Variants in ADARB2 observed in about 807,000 individuals in gnomAD.
The protein encoded by ADARB2 is adenosine deaminase RNA specific B2 (inactive).
ADARB2 carries 25 observed loss-of-function variants against 62.2 expected under a neutral mutation model. That is an observed-to-expected ratio of 0.40 (90% confidence interval 0.29 to 0.56). The LOEUF (loss-of-function observed/expected upper bound fraction) is 0.56. ADARB2 is among the 20% of genes least tolerant of loss of function. The pLI, the probability that ADARB2 is intolerant of heterozygous loss-of-function variation, is 0.43. For synonymous variants in ADARB2, 572 were observed against 500.8 expected, an observed-to-expected ratio of 1.14 and a Z score of -1.90; for missense variants, 1,071 against 1,077.4, an observed-to-expected ratio of 0.99 and a Z score of 0.08.
intron 1 of ADARB2, among the ~76,000 whole-genome samples, chr10:1,566,712 T>C (rs929332949): frequency 1.3e-5 from 2 of 152,248 alleles, no homozygotes; most frequent in South Asian, 4.1e-4. Flanking sequence ...GGCTGAATTA[T>C]ACACTATTTA....
intron 1 of ADARB2, among the ~76,000 whole-genome samples, chr10:1,670,795 G>A (rs996685751): frequency 3.9e-5 from 6 of 152,130 alleles, no homozygotes; most frequent in Non-Finnish European, 5.9e-5. Context: ...GCTTCTCAAC[G>A]CGGCCCTGCC....
intron 1 of ADARB2, among the ~76,000 whole-genome samples, chr10:1,404,052 AG>A (rs1162904855): frequency 1.3e-5 from 2 of 152,234 alleles, no homozygotes; most frequent in Non-Finnish European, 2.9e-5. Context: ...CCTGTGGTGC[AG>A]GGGCTTCTGT....
intron 1 of ADARB2, among the ~76,000 whole-genome samples, chr10:1,380,948 C>T (rs1369847578): frequency 6.6e-6 from 1 of 152,194 alleles, no homozygotes; most frequent in Non-Finnish European, 1.5e-5. Flanking sequence ...CAAACACTCA[C>T]AAAAATGCAC....
chr10:1,394,065 C>A (rs1423661890), intron 1 of ADARB2, among the ~76,000 whole-genome samples: 2 of 152,212 alleles, frequency 1.3e-5, no homozygotes, highest in Non-Finnish European at 2.9e-5. Context: ...ACTTGCTCCA[C>A]TCACTCGTCC....
At chr10:1,274,513 A>G (rs1192441439) in intron 3 of ADARB2, among the ~76,000 whole-genome samples, 1 of 152,060 alleles carries the variant, frequency 6.6e-6, no homozygotes, top group Admixed American at 6.5e-5. Context: ...TAGCTTGTCC[A>G]GCACAGGAGG....
intron 1 of ADARB2, among the ~76,000 whole-genome samples, chr10:1,382,060 G>A (rs904464237): frequency 2.6e-5 from 4 of 152,114 alleles, no homozygotes; most frequent in Admixed American, 6.5e-5. Flanking sequence ...TTTGGTGATC[G>A]TTACCCAATG....
intron 1 of ADARB2, among the ~76,000 whole-genome samples, chr10:1,709,155 C>T (rs944542990): frequency 6.6e-6 from 1 of 152,160 alleles, no homozygotes; most frequent in African/African-American, 2.4e-5. Context: ...TAAGTGGAGA[C>T]CTACTTATGT....
intron 1 of ADARB2, among the ~76,000 whole-genome samples, chr10:1,578,088 G>T (rs1833045787): frequency 6.6e-6 from 1 of 152,190 alleles, no homozygotes; most frequent in Admixed American, 6.5e-5. Flanking sequence ...GCTTCTTTCA[G>T]CAGACCCAGC....
chr10:1,657,001 TTGTG>T (rs58944098), intron 1 of ADARB2, among the ~76,000 whole-genome samples: 6 of 148,712 alleles, frequency 4.0e-5, no homozygotes, highest in South Asian at 4.3e-4. Context: ...ATCTAGTGTT[TTGTG>T]TGTGTGTGTG....
intron 3 of ADARB2, among the ~76,000 whole-genome samples, chr10:1,343,575 A>G (rs1832051763): frequency 6.6e-6 from 1 of 152,248 alleles, no homozygotes; most frequent in Admixed American, 6.5e-5. Context: ...AGGCACGCGC[A>G]TGTCCATCGC....
At chr10:1,572,023 G>C (rs1393459303) in intron 1 of ADARB2, among the ~76,000 whole-genome samples, 12 of 145,742 alleles carry the variant, frequency 8.2e-5, no homozygotes, top group African/African-American at 3.1e-4. Flanking sequence ...GGAAAGGTGA[G>C]TAGGCAAGTG....
chr10:1,322,770 T>C lies in ADARB2; in HGVS notation c.1077+40258A>G, dbSNP rs139431589. On this transcript the variant is annotated intron_variant, in intron 3 of 9. Coordinates refer to ENST00000381312, the MANE Select transcript of ADARB2 (RefSeq NM_018702.4). ...CTATTCAAGAAGAAAAGGTATGGCA[T>C]TTATAATTATTTCTACCCAAGTTAC... 3.0e-4 allele frequency among the ~76,000 whole-genome samples: 46 copies of C among 152,356 alleles called. No homozygotes were observed. In the East Asian group the frequency reaches 8.3e-3, roughly 27 times the overall value.
At chr10:1,485,452 A>G (rs1831527749) in intron 1 of ADARB2, among the ~76,000 whole-genome samples, 1 of 152,194 alleles carries the variant, frequency 6.6e-6, no homozygotes, top group Admixed American at 6.5e-5. Context: ...TACCTATGGC[A>G]GCATGTGGGG....
chr10:1,432,086 T>C (rs879364887), intron 1 of ADARB2, among the ~76,000 whole-genome samples: 82 of 152,304 alleles, frequency 5.4e-4, no homozygotes, highest in Non-Finnish European at 4.9e-4. Context: ...ATTAATATGA[T>C]TATCTTATTA....
intron 1 of ADARB2, among the ~76,000 whole-genome samples, chr10:1,641,709 C>A (rs772179964): frequency 6.6e-6 from 1 of 152,180 alleles, no homozygotes; most frequent in South Asian, 2.1e-4. Context: ...CCTTATAAAT[C>A]TTTTTTAAAA....
At chr10:1,598,158 C>T (rs563382587) in intron 1 of ADARB2, among the ~76,000 whole-genome samples, 9 of 152,312 alleles carry the variant, frequency 5.9e-5, no homozygotes, top group African/African-American at 2.2e-4. Context: ...TGAAATGTCA[C>T]CTGCTGGGTG....
chr10:1,574,995 A>G (rs2131995490), intron 1 of ADARB2, among the ~76,000 whole-genome samples: 1 of 24,936 alleles, frequency 4.0e-5, no homozygotes, highest in South Asian at 1.0e-3. Flanking sequence ...GTCAAAAGAG[A>G]AACCATGGGC....
At chr10:1,302,544 C>T (rs997168487) in intron 3 of ADARB2, among the ~76,000 whole-genome samples, 19 of 152,184 alleles carry the variant, frequency 1.2e-4, no homozygotes, top group African/African-American at 4.3e-4. Context: ...AGGAGGCCTG[C>T]GTGCCTCTGT....
At position 1,251,091 on chromosome 10, in the gene ADARB2, T is replaced by A. The variant is rs182475927; in HGVS notation, c.1193-8792A>T. On this transcript the variant is annotated intron_variant, in intron 4 of 9. Coordinates refer to ENST00000381312, the MANE Select transcript of ADARB2 (RefSeq NM_018702.4). The stretch of plus-strand genomic sequence containing the variant: ...ACCATGTACCAGAGTAAATTCCAAA[T>A]TGATCAATGTTTAGATGTAAGAAAT... 7.9e-5 allele frequency among the ~76,000 whole-genome samples: 12 copies of A among 152,354 alleles called. No homozygotes were observed. In the East Asian group the frequency reaches 1.3e-3, roughly 17 times the overall value.
Sources: gnomAD v4.1 joint callset for allele counts (sites outside exome capture counted in the v4.1 genomes callset) on GRCh38, gnomAD v4.1.1 for gene constraint, MANE v1.5 for transcripts, NCBI Gene and HGNC (gene_info 2026-07-23, HGNC 2026-07-21) for gene names.